RUNX1: variants seen among roughly 807,000 people sequenced by gnomAD.
RUNX1 encodes runt-related transcription factor 1.
In RUNX1, 19 loss-of-function variants were observed where a neutral mutation model predicts 42.8. The observed-to-expected ratio is 0.44, with a 90% CI of 0.31 to 0.65. RUNX1 has a LOEUF of 0.65. Ranked by LOEUF, RUNX1 falls within the 30% of genes least tolerant of loss-of-function variation. The pLI, the probability that RUNX1 is intolerant of heterozygous loss-of-function variation, is 0.07. For missense variants in RUNX1, 528 were observed against 672.0 expected (o/e 0.79, Z 2.37); for synonymous variants, 271 against 289.4 (o/e 0.94, Z 0.64).
intron 2 of RUNX1, among the ~76,000 whole-genome samples, chr21:34,985,907 C>T (rs979299668): frequency 2.3e-5 from 3 of 130,846 alleles, no homozygotes; most frequent in Admixed American, 8.7e-5. Flanking sequence ...GGGTCTCACT[C>T]TGTCACCCAG....
At chr21:34,794,923 G>T (rs1458916442) in intron 8 of RUNX1, among the ~76,000 whole-genome samples, 1 of 152,140 alleles carries the variant, frequency 6.6e-6, no homozygotes, top group Non-Finnish European at 1.5e-5. Flanking sequence ...ATATCCTGCG[G>T]GTGGGGTGAC....
At chr21:34,878,519 T>C (rs1371584739) in intron 5 of RUNX1, among the ~76,000 whole-genome samples, 1 of 152,118 alleles carries the variant, frequency 6.6e-6, no homozygotes, top group Non-Finnish European at 1.5e-5. Flanking sequence ...GTTCAAAATA[T>C]TGTCTGTTTA....
chr21:35,049,010 C>G (rs886313581), intron 1 of RUNX1, 52 bp from the exon 2 acceptor site: 5 of 877,380 alleles, frequency 5.7e-6, no homozygotes, highest in Non-Finnish European at 9.7e-6. Context: ...CCCCTCTAGC[C>G]CTACATCTCT....
chr21:35,001,516 T>C (rs2059043884), intron 2 of RUNX1, among the ~76,000 whole-genome samples: 1 of 152,094 alleles, frequency 6.6e-6, no homozygotes, highest in Admixed American at 6.6e-5. Context: ...ATAAAGCTCA[T>C]ATATAGAAAC....
chr21:34,864,381 C>T (rs953600557), intron 5 of RUNX1, among the ~76,000 whole-genome samples: 11 of 152,220 alleles, frequency 7.2e-5, no homozygotes, highest in South Asian at 2.1e-4. Flanking sequence ...GGCAGGTTGG[C>T]TAAATAGCAA....
At chr21:34,878,433 T>C (rs1044964228) in intron 5 of RUNX1, among the ~76,000 whole-genome samples, 1 of 151,616 alleles carries the variant, frequency 6.6e-6, no homozygotes, top group African/African-American at 2.4e-5. Context: ...TCCACAGTAA[T>C]TACAATTGGG....
intron 2 of RUNX1, among the ~76,000 whole-genome samples, chr21:35,006,407 C>T (rs1213115661): frequency 6.6e-6 from 1 of 152,136 alleles, no homozygotes; most frequent in Non-Finnish European, 1.5e-5. Flanking sequence ...ACTCTCTCTC[C>T]CCCTCTCTCT....
At chr21:34,821,591 C>A in intron 7 of RUNX1, 1 of 1,548,926 alleles carries the variant, frequency 6.5e-7, no homozygotes, top group South Asian at 1.2e-5. Flanking sequence ...TCTTCTGAGT[C>A]TCTTCTGAGG....
intron 2 of RUNX1, among the ~76,000 whole-genome samples, chr21:35,031,811 C>T (rs541210240): frequency 3.8e-4 from 58 of 152,122 alleles, no homozygotes; most frequent in Non-Finnish European, 6.8e-4. Flanking sequence ...ATGTGGAATC[C>T]TAAAAAGTTA....
In RUNX1 at chr21:34,790,637, T is replaced by C. The variant is rs2056422338; in HGVS notation, c.*1498A>G. 4.3e-6 allele frequency: 1 copy of C among 233,092 alleles called. No homozygotes were observed. The highest frequency in any genetic ancestry group is 2.2e-5 in the African/African-American group (1 of 45,334). 14.4% of individuals were successfully genotyped at this position (233,092 alleles called of 1,614,324 possible). A position where few individuals can be genotyped will look rare whatever the true frequency, so the allele number is the denominator to read the frequency against. ...CACAGGTAAAAGCCCATATACCCCA[T>C]AGGGTAGGGTCTCAGCCTGGTGAAA... On this transcript the variant is annotated 3_prime_UTR_variant, in exon 9 of 9. Transcript: ENST00000675419.
intron 2 of RUNX1, among the ~76,000 whole-genome samples, chr21:35,027,025 G>C (rs1418862706): frequency 6.6e-6 from 1 of 152,224 alleles, no homozygotes; most frequent in Non-Finnish European, 1.5e-5. Context: ...AAAAGAAGTA[G>C]AGCGGCCCCA....
rs1601332742 is a variant in RUNX1, at chr21:34,792,344, C to T, written c.1234G>A (p.Gly412Ser). 2 of 1,555,514 alleles carry T rather than the reference C, an allele frequency of 1.3e-6. No individual in the cohort carries two copies. Among genetic ancestry groups the T allele is most frequent in the Non-Finnish European group, 1.7e-6 (2 of 1,150,038 alleles). Residue 412 changes from glycine (G) to serine (S), a missense_variant, in exon 9 of 9, where the codon GGC becomes AGC. Physicochemically the swap from Gly to Ser is moderately conservative, Grantham distance 56. Coordinates refer to ENST00000675419, the MANE Select transcript of RUNX1 (RefSeq NM_001754.5). The surrounding 1 kb of genome is among the most constrained non-coding windows in gnomAD (Gnocchi z 6.9). The stretch of plus-strand genomic sequence containing the variant: ...CCCACCATGGAGAACTGGTAGGAGC[C>T]GGCCGAGGCGCCGTAGTACAGGTGG... Reference protein sequence around the residue: ...SYHLYYGASAGSYQFSMVGGE... With the variant: ...SYHLYYGASASSYQFSMVGGE...
At chr21:35,035,267 A>C (rs151320367) in intron 2 of RUNX1, among the ~76,000 whole-genome samples, 51 of 152,326 alleles carry the variant, frequency 3.3e-4, no homozygotes, top group African/African-American at 1.1e-3. Flanking sequence ...AAAAGGGAGA[A>C]ACAGAAAGGG....
intron 6 of RUNX1, among the ~76,000 whole-genome samples, chr21:34,858,283 C>A (rs1358678940): frequency 6.6e-6 from 1 of 152,122 alleles, no homozygotes; most frequent in African/African-American, 2.4e-5. Flanking sequence ...CCTTAAAACC[C>A]CACCTAGAAA....
In RUNX1 at chr21:35,048,961, T is replaced by TA; in HGVS notation, c.-59-4_-59-3insT. 1 of 1,509,188 alleles carries TA rather than the reference T, an allele frequency of 6.6e-7. No individual in the cohort carries two copies. The allele number at this position is 1,509,188 out of a possible 1,614,324, so 93.5% of individuals were successfully genotyped here. On this transcript the variant is annotated splice_polypyrimidine_tract_variant and splice_region_variant and intron_variant, in intron 1 of 8. Transcript: ENST00000675419. ...GGGGACTCAATGATTTCTTTTACCTTCGGAGCGAAAACCAAGACAGGTCAC... is the reference window on the plus strand; with the variant it reads ...GGGGACTCAATGATTTCTTTTACCTTACGGAGCGAAAACCAAGACAGGTCAC...
chr21:34,826,151 A>G (rs1043002444), intron 7 of RUNX1, among the ~76,000 whole-genome samples: 3 of 152,314 alleles, frequency 2.0e-5, no homozygotes, highest in Non-Finnish European at 4.4e-5. Context: ...ACATGTTGGA[A>G]ACTTAGATCC....
chr21:34,873,613 T>C (rs2057770896), intron 5 of RUNX1, among the ~76,000 whole-genome samples: 1 of 152,218 alleles, frequency 6.6e-6, no homozygotes, highest in African/African-American at 2.4e-5. Context: ...TCAAAGGAAG[T>C]TGCTGGGATT....
At chr21:34,893,023 C>A in intron 2 of RUNX1, 60 bp from the exon 3 acceptor site, 2 of 1,183,602 alleles carry the variant, frequency 1.7e-6, no homozygotes, top group African/African-American at 1.5e-5. Flanking sequence ...AACTTTCCCC[C>A]GACTTTTTTT....
intron 2 of RUNX1, among the ~76,000 whole-genome samples, chr21:35,028,867 G>C (rs2059254500): frequency 6.6e-6 from 1 of 152,212 alleles, no homozygotes; most frequent in Non-Finnish European, 1.5e-5. Flanking sequence ...AAGAGAAATG[G>C]GGTAGTGGTG....
Sources: allele counts gnomAD v4.1 joint callset (sites outside exome capture counted in the v4.1 genomes callset), GRCh38; gene constraint gnomAD v4.1.1; non-coding constraint Gnocchi (gnomAD v3.1); transcripts MANE v1.5; gene names NCBI Gene and HGNC (gene_info 2026-07-23, HGNC 2026-07-21).